Variants in ETFA observed in about 807,000 individuals in gnomAD.
ETFA encodes electron transfer flavoprotein subunit alpha, also known as electron transfer flavoprotein subunit alpha, mitochondrial.
Under a neutral mutation model 46.2 loss-of-function variants are expected in ETFA, and 22 were observed. The ratio of observed to expected loss-of-function variants is 0.48; its 90% CI spans 0.34 to 0.68. The LOEUF (loss-of-function observed/expected upper bound fraction) is 0.68. Ranked by LOEUF, ETFA falls within the 30% of genes least tolerant of loss-of-function variation. The probability of loss-of-function intolerance (pLI) is 0.01; values close to 1 mark genes in which losing one functional copy is unlikely to be tolerated. For missense variants in ETFA, 345 were observed against 401.1 expected (o/e 0.86, Z 1.19); for synonymous variants, 131 against 139.9 (o/e 0.94, Z 0.45).
intron 9 of ETFA, among the ~76,000 whole-genome samples, chr15:76,273,867 C>T (rs947340870): frequency 6.6e-6 from 1 of 152,116 alleles, no homozygotes; most frequent in Non-Finnish European, 1.5e-5. Context: ...CCTGCTCTTC[C>T]AAGTTTTAGA....
intron 9 of ETFA, among the ~76,000 whole-genome samples, chr15:76,244,997 T>C (rs2039231233): frequency 6.6e-6 from 1 of 152,240 alleles, no homozygotes. Flanking sequence ...ATCAGTCTAG[T>C]AAAAATTAGC....
intron 9 of ETFA, chr15:76,261,616 C>A: frequency 2.3e-6 from 1 of 440,358 alleles, no homozygotes; most frequent in South Asian, 3.4e-5. Flanking sequence ...AAGTCAGAGC[C>A]GCCAGCAGCA....
intron 1 of ETFA, among the ~76,000 whole-genome samples, chr15:76,306,878 C>T (rs1252032558): frequency 6.6e-6 from 1 of 152,190 alleles, no homozygotes; most frequent in Non-Finnish European, 1.5e-5. Flanking sequence ...CATAATTTTA[C>T]TGAATTCACC....
Position 76,306,267 on chromosome 15 carries a change from C to CTTTTTTTTT in ETFA, c.39+5074_39+5082dup, listed in dbSNP as rs35290919. 9.6e-4 allele frequency among the ~76,000 whole-genome samples: 105 copies of CTTTTTTTTT among 109,462 alleles called. 5 individuals carry two copies. Among genetic ancestry groups the CTTTTTTTTT allele is most frequent in the African/African-American group, 2.9e-3 (86 of 29,230 alleles). 71.8% of individuals were successfully genotyped at this position (109,462 alleles called of 152,430 possible). A position where few individuals can be genotyped will look rare whatever the true frequency, so the allele number is the denominator to read the frequency against. On this transcript the variant is annotated intron_variant, in intron 1 of 11. Coordinates refer to ENST00000557943, the MANE Select transcript of ETFA (RefSeq NM_000126.4). ...AGGGCAGGGGAGGGTTTTTTTGCTT[C>CTTTTTTTTT]TTTTTTTTTTTTTTTTTGAGACAGA...
At position 76,215,426 on chromosome 15, in the gene ETFA, AGG is replaced by A. The variant is rs1274694983; in HGVS notation, c.*1131_*1132del. On this transcript the variant is annotated 3_prime_UTR_variant, in exon 12 of 12. Coordinates refer to ENST00000557943, the MANE Select transcript of ETFA (RefSeq NM_000126.4). ...AAAGGGTTCACTAGTCAGCTGGGGA[AGG>A]GCCCCAGGCTGGTCACACAAAGGCA... The A allele has an allele frequency of 6.6e-6, 1 of 152,190 alleles. No homozygotes were observed. The highest frequency in any genetic ancestry group is 1.9e-4 in the East Asian group (1 of 5,192). 9.4% of individuals were successfully genotyped at this position (152,190 alleles called of 1,614,324 possible).
At chr15:76,300,294 A>T (rs747359499) in intron 1 of ETFA, among the ~76,000 whole-genome samples, 8 of 151,970 alleles carry the variant, frequency 5.3e-5, no homozygotes, top group Non-Finnish European at 8.8e-5. Flanking sequence ...CATCTCAGCA[A>T]ATTTAAACTT....
At chr15:76,283,555 T>C (rs1248368743) in intron 8 of ETFA, among the ~76,000 whole-genome samples, 2 of 152,142 alleles carry the variant, frequency 1.3e-5, no homozygotes, top group Non-Finnish European at 2.9e-5. Flanking sequence ...AGGTAAGAGA[T>C]ACTAGGAGGC....
chr15:76,301,773 T>G (rs2039882409), intron 1 of ETFA, among the ~76,000 whole-genome samples: 1 of 152,012 alleles, frequency 6.6e-6, no homozygotes, highest in African/African-American at 2.4e-5. Flanking sequence ...AGCCATAGAC[T>G]GGGACAAAAT....
At chr15:76,301,437 G>A (rs62027019) in intron 1 of ETFA, among the ~76,000 whole-genome samples, 14,707 of 152,218 alleles carry the variant, frequency 0.097, 873 homozygotes, top group African/African-American at 0.15. Context: ...TTGGCCAGTC[G>A]CAGTGGCTCA....
chr15:76,295,724 C>A lies in ETFA; in HGVS notation c.53G>T (p.Arg18Leu). 6.2e-7 allele frequency: 1 copy of A among 1,606,274 alleles called. No homozygotes were observed. The highest frequency in any genetic ancestry group is 8.5e-7 in the Non-Finnish European group (1 of 1,178,098). Residue 18 changes from arginine to leucine, a missense_variant, in exon 2 of 12, where the codon CGA becomes CTA. By Grantham distance (102) the Arg-to-Leu change is moderately radical. Coordinates refer to ENST00000557943, the MANE Select transcript of ETFA (RefSeq NM_000126.4). ...AGCTATTACCAGGGTACTCTGAAATCGTAGCAATGAGGCCTAAAAAGAGCA... is the reference window on the plus strand; with the variant it reads ...AGCTATTACCAGGGTACTCTGAAATAGTAGCAATGAGGCCTAAAAAGAGCA... ...GQLRRAASLL[R>L]FQSTLVIAEH...
chr15:76,300,438 A>G (rs1169893352), intron 1 of ETFA, among the ~76,000 whole-genome samples: 3 of 152,134 alleles, frequency 2.0e-5, no homozygotes, highest in Non-Finnish European at 4.4e-5. Flanking sequence ...CAACCACTCA[A>G]GTCATAACAA....
intron 1 of ETFA, among the ~76,000 whole-genome samples, chr15:76,299,419 G>A (rs2039859404): frequency 2.0e-5 from 3 of 152,020 alleles, no homozygotes; most frequent in Admixed American, 2.0e-4. Context: ...AAGTCGCTGG[G>A]ACCACAGGTA....
rs371045700 is a variant in ETFA, at chr15:76,266,821, G to A, written c.816+7591C>T. 2.8e-4 allele frequency among the ~76,000 whole-genome samples: 43 copies of A among 152,032 alleles called. 2 individuals carry two copies. In the South Asian group the frequency reaches 7.5e-3, roughly 26 times the overall value. Reference sequence around the variant, plus strand: ...CAGGAGGCTGAGGCAACAGAATGGCGTGAACCTGGGAGGCGGAGCTTGCAG... The same window carrying A: ...CAGGAGGCTGAGGCAACAGAATGGCATGAACCTGGGAGGCGGAGCTTGCAG... On this transcript the variant is annotated intron_variant, in intron 9 of 11. Coordinates refer to ENST00000557943, the MANE Select transcript of ETFA (RefSeq NM_000126.4).
intron 1 of ETFA, among the ~76,000 whole-genome samples, chr15:76,306,868 CATA>C (rs2039945336): frequency 6.6e-6 from 1 of 152,210 alleles, no homozygotes; most frequent in South Asian, 2.1e-4. Context: ...TGGCAGGCAT[CATA>C]ATTTTACTGA....
chr15:76,217,981 G>A (rs2038914870), intron 11 of ETFA, among the ~76,000 whole-genome samples: 1 of 152,222 alleles, frequency 6.6e-6, no homozygotes, highest in Non-Finnish European at 1.5e-5. Context: ...TTGCTCAGGG[G>A]TGGCATTAAG....
intron 8 of ETFA, among the ~76,000 whole-genome samples, chr15:76,277,867 C>T (rs1337632772): frequency 6.6e-6 from 1 of 152,186 alleles, no homozygotes; most frequent in Non-Finnish European, 1.5e-5. Flanking sequence ...CCCCCTACCC[C>T]ACCACCAGCT....
chr15:76,225,367 C>T lies in ETFA; in HGVS notation c.963+482G>A, dbSNP rs374923522. Among the ~76,000 whole-genome samples, 15 of 152,292 alleles carry T rather than the reference C, an allele frequency of 9.8e-5. No individual in the cohort carries two copies. In the East Asian group the frequency reaches 2.7e-3, roughly 27 times the overall value. The stretch of plus-strand genomic sequence containing the variant: ...GTAGTGGCACGATCTCTGCTCACTG[C>T]AAGCTCCGCCTCCTGGGTTCACACT... On this transcript the variant is annotated intron_variant, in intron 11 of 11. Transcript: ENST00000557943.
chr15:76,298,895 G>T (rs2039854040), intron 1 of ETFA, among the ~76,000 whole-genome samples: 1 of 152,056 alleles, frequency 6.6e-6, no homozygotes, highest in Non-Finnish European at 1.5e-5. Context: ...TACAGAATAT[G>T]ACTAAAGAGT....
rs2039061825 is a variant in ETFA at position 76,231,021 on chromosome 15, A to G, written c.882+312T>C. 3 of 296,376 alleles carry G rather than the reference A, an allele frequency of 1.0e-5. No homozygotes were observed. The South Asian group carries it at 1.5e-4, about 15-fold the overall frequency. The allele number at this position is 296,376 out of a possible 1,614,324, so 18.4% of individuals were successfully genotyped here. A position where few individuals can be genotyped will look rare whatever the true frequency, so the allele number is the denominator to read the frequency against. On this transcript the variant is annotated intron_variant, in intron 10 of 11. Transcript: ENST00000557943. ...CACAGATTGTGATAGCTGAAGGGCA[A>G]CTTAGTGATCATCATTCAATACCCA... is the stretch of plus-strand genomic sequence containing the variant.
Sources: allele counts gnomAD v4.1 joint callset (sites outside exome capture counted in the v4.1 genomes callset), GRCh38; gene constraint gnomAD v4.1.1; transcripts MANE v1.5; gene names NCBI Gene and HGNC (gene_info 2026-07-23, HGNC 2026-07-21).